Variants in TBC1D1 observed in about 807,000 individuals in gnomAD.
The protein encoded by TBC1D1 is TBC1 (tre-2/USP6, BUB2, cdc16) domain family, member 1.
In TBC1D1, 89 loss-of-function variants were observed where a neutral mutation model predicts 125.6. The observed-to-expected ratio is 0.71, with a 90% CI of 0.60 to 0.85. The LOEUF is 0.85. TBC1D1 is among the 40% of genes least tolerant of loss of function. The pLI, the probability that TBC1D1 is intolerant of heterozygous loss-of-function variation, is 0.00. For missense variants in TBC1D1, 1,377 were observed against 1,469.2 expected (o/e 0.94, Z 1.03); for synonymous variants, 565 against 564.1 (o/e 1.00, Z -0.02).
intron 2 of TBC1D1, among the ~76,000 whole-genome samples, chr4:37,990,607 G>C (rs1224983829): frequency 6.6e-6 from 1 of 152,144 alleles, no homozygotes; most frequent in East Asian, 1.9e-4. Flanking sequence ...CTGTATTCCT[G>C]AATTTCCAGG....
At chr4:37,927,426 T>A (rs1433485335) in intron 2 of TBC1D1, among the ~76,000 whole-genome samples, 1 of 152,216 alleles carries the variant, frequency 6.6e-6, no homozygotes, top group Non-Finnish European at 1.5e-5. Flanking sequence ...TTTAAGGTAC[T>A]CCTGAAGAGT....
At chr4:37,972,887 A>G (rs1732332143) in intron 2 of TBC1D1, among the ~76,000 whole-genome samples, 1 of 145,506 alleles carries the variant, frequency 6.9e-6, no homozygotes, top group Non-Finnish European at 1.5e-5. Flanking sequence ...GGGCAACAAG[A>G]GCGAAACTCC....
At chr4:38,043,984 T>G (rs1284560010) in intron 8 of TBC1D1, among the ~76,000 whole-genome samples, 1 of 152,232 alleles carries the variant, frequency 6.6e-6, no homozygotes, top group Non-Finnish European at 1.5e-5. Context: ...CACAACACAG[T>G]GTTATGATTC....
intron 15 of TBC1D1, among the ~76,000 whole-genome samples, chr4:38,107,002 A>ACCCC (rs993991234): frequency 7.7e-6 from 1 of 130,058 alleles, no homozygotes; most frequent in East Asian, 2.5e-4. Flanking sequence ...GACAGTGCTG[A>ACCCC]CCCCCCTCTC....
intron 2 of TBC1D1, among the ~76,000 whole-genome samples, chr4:37,975,326 A>G (rs1461568788): frequency 6.6e-6 from 1 of 152,206 alleles, no homozygotes; most frequent in Non-Finnish European, 1.5e-5. Context: ...ATTTGCTACT[A>G]CTATCTAAAA....
At chr4:37,896,630 T>C (rs747217532) in intron 1 of TBC1D1, among the ~76,000 whole-genome samples, 4 of 152,144 alleles carry the variant, frequency 2.6e-5, no homozygotes, top group Non-Finnish European at 5.9e-5. Context: ...ACTTGCTTTT[T>C]CAACTTCACA....
chr4:38,027,998 T>G, intron 7 of TBC1D1, 119 bp downstream of exon 7: 1 of 645,372 alleles, frequency 1.5e-6, no homozygotes, highest in East Asian at 3.0e-5. Context: ...GTGCCTTGAG[T>G]TCGTCTTGGT....
chr4:38,041,345 T>C (rs1403694778), intron 8 of TBC1D1, among the ~76,000 whole-genome samples: 2 of 152,214 alleles, frequency 1.3e-5, no homozygotes, highest in African/African-American at 4.8e-5. Context: ...AGGTGAACTT[T>C]CCTATACTGA....
intron 2 of TBC1D1, 52 bp downstream of exon 2, chr4:37,902,564 T>C (rs754952514): frequency 1.2e-5 from 16 of 1,377,082 alleles, no homozygotes; most frequent in Non-Finnish European, 1.6e-5. Flanking sequence ...TGGTTTTTAT[T>C]GTATGGGGGT....
chr4:37,891,567 C>A (rs1311168501), intron 1 of TBC1D1, among the ~76,000 whole-genome samples: 1 of 123,036 alleles, frequency 8.1e-6, no homozygotes, highest in Non-Finnish European at 1.7e-5. Context: ...TGGACGAAAG[C>A]GAAACCTTAA....
chr4:38,051,403 GT>G (rs201475978), intron 11 of TBC1D1, among the ~76,000 whole-genome samples: 1 of 150,624 alleles, frequency 6.6e-6, no homozygotes, highest in South Asian at 2.1e-4. Flanking sequence ...TTAAAGTTCA[GT>G]TTTTTTTTGC....
Position 37,902,068 on chromosome 4 carries a change from T to G in TBC1D1, c.-28T>G. On this transcript the variant is annotated 5_prime_UTR_variant, in exon 2 of 20. Transcript: ENST00000261439. The stretch of plus-strand genomic sequence containing the variant: ...AAAACAGAAAAACAGTGATAACTGT[T>G]TTGCTGAGTTCCCAGACCCTTCCCA... The G allele has an allele frequency of 1.3e-6, 2 of 1,553,074 alleles. No individual in the cohort carries two copies. The highest frequency in any genetic ancestry group is 1.7e-6 in the Non-Finnish European group (2 of 1,150,768).
At chr4:38,098,177 T>A (rs1202467758) in intron 14 of TBC1D1, among the ~76,000 whole-genome samples, 3 of 152,234 alleles carry the variant, frequency 2.0e-5, no homozygotes, top group Non-Finnish European at 4.4e-5. Context: ...GAGCAGAGGA[T>A]CTTGGAGCTG....
intron 15 of TBC1D1, chr4:38,110,541 G>A: frequency 2.0e-6 from 2 of 985,424 alleles, no homozygotes; most frequent in South Asian, 9.4e-5. Context: ...TGTTTGAATT[G>A]TGGATCATCT....
At chr4:37,967,431 G>T (rs538046904) in intron 2 of TBC1D1, among the ~76,000 whole-genome samples, 3 of 151,542 alleles carry the variant, frequency 2.0e-5, no homozygotes, top group South Asian at 2.1e-4. Context: ...GGAGGCGGAG[G>T]TTGCAGTGAG....
intron 12 of TBC1D1, among the ~76,000 whole-genome samples, chr4:38,068,598 C>T (rs1169976172): frequency 6.6e-6 from 1 of 152,172 alleles, no homozygotes; most frequent in African/African-American, 2.4e-5. Flanking sequence ...ATCTCAACCT[C>T]GCATCTGTGC....
In TBC1D1 at chr4:37,900,814, A is replaced by G. The variant is rs1408048385; in HGVS notation, c.-93-1189A>G. On this transcript the variant is annotated intron_variant, in intron 1 of 19. Coordinates refer to ENST00000261439, the MANE Select transcript of TBC1D1 (RefSeq NM_015173.4). ...GGGCTGGGCACTGTGGCTCATGCCT[A>G]TAATCCCAGCACTTTGGGAGGCCAA... Among the ~76,000 whole-genome samples, 8 of 152,152 alleles carry G rather than the reference A, an allele frequency of 5.3e-5. 1 individual carries two copies. Among genetic ancestry groups the G allele is most frequent in the Non-Finnish European group, 8.8e-5 (6 of 68,022 alleles).
chr4:38,053,533 C>T (rs1298411896), intron 11 of TBC1D1, among the ~76,000 whole-genome samples: 1 of 152,154 alleles, frequency 6.6e-6, no homozygotes, highest in African/African-American at 2.4e-5. Flanking sequence ...CTGATCTGTT[C>T]AGGACGTCTA....
intron 2 of TBC1D1, among the ~76,000 whole-genome samples, chr4:37,942,705 A>T (rs1560508826): frequency 6.6e-6 from 1 of 151,554 alleles, no homozygotes; most frequent in Non-Finnish European, 1.5e-5. Flanking sequence ...CGCCTGGCTA[A>T]TTTTTTTTGT....
Sources: allele counts gnomAD v4.1 joint callset (sites outside exome capture counted in the v4.1 genomes callset), GRCh38; gene constraint gnomAD v4.1.1; transcripts MANE v1.5; gene names NCBI Gene and HGNC (gene_info 2026-07-23, HGNC 2026-07-21).